Variants in ZNF800 observed in about 807,000 individuals in gnomAD.
ZNF800 encodes zinc finger protein 800.
A neutral mutation model predicts 59.5 loss-of-function variants in ZNF800; 13 were observed. The ratio of observed to expected loss-of-function variants is 0.22; its 90% confidence interval spans 0.14 to 0.35. The LOEUF is 0.35. Among genes scored for constraint, ZNF800 ranks in the 10% least tolerant of loss-of-function variants. ZNF800 has a pLI of 1.00. For synonymous variants in ZNF800, 266 were observed against 265.7 expected, an observed-to-expected ratio of 1.00 and a Z score of -0.01; for missense variants, 621 against 783.7, an observed-to-expected ratio of 0.79 and a Z score of 2.48.
At chr7:127,351,242 T>C (rs1277479757) in intron 1 of ZNF800, among the ~76,000 whole-genome samples, 1 of 152,164 alleles carries the variant, frequency 6.6e-6, no homozygotes, top group Non-Finnish European at 1.5e-5. Context: ...ATTTCACCCA[T>C]CGAAAAATGT....
chr7:127,343,232 G>A (rs1185434835), downstream of ZNF800, among the ~76,000 whole-genome samples: 1 of 151,502 alleles, frequency 6.6e-6, no homozygotes. Flanking sequence ...AAGATGAAAA[G>A]TTATATTAAT....
At chr7:127,390,488 T>A (rs764087634) in intron 2 of ZNF800, among the ~76,000 whole-genome samples, 6 of 152,198 alleles carry the variant, frequency 3.9e-5, no homozygotes, top group Non-Finnish European at 5.9e-5. Context: ...AAAGTTTTCT[T>A]AAAATGGAAG....
intron 1 of ZNF800, among the ~76,000 whole-genome samples, chr7:127,358,659 C>G (rs950579160): frequency 1.1e-4 from 16 of 152,064 alleles, no homozygotes; most frequent in Admixed American, 1.0e-3. Flanking sequence ...CTGCCTATCT[C>G]TTTCAAAACT....
intron 1 of ZNF800, chr7:127,364,224 G>C (rs1800455758): frequency 6.6e-6 from 1 of 152,118 alleles, no homozygotes; most frequent in African/African-American, 2.4e-5. Flanking sequence ...GAAGCCACTA[G>C]ATTTCACATT....
intron 2 of ZNF800, among the ~76,000 whole-genome samples, chr7:127,389,688 A>T (rs1053016972): frequency 3.3e-5 from 5 of 152,214 alleles, no homozygotes; most frequent in Non-Finnish European, 7.4e-5. Context: ...ATTCAAGCTA[A>T]CAAGGCAAGA....
intron 1 of ZNF800, chr7:127,360,464 A>T (rs1800371935): frequency 1.3e-5 from 2 of 152,148 alleles, no homozygotes; most frequent in Admixed American, 1.3e-4. Flanking sequence ...TAATTTATAT[A>T]TTTACATATA....
chr7:127,358,288 G>A (rs562523892), intron 1 of ZNF800, among the ~76,000 whole-genome samples: 13 of 150,976 alleles, frequency 8.6e-5, no homozygotes, highest in African/African-American at 1.9e-4. Flanking sequence ...TTCTTTCTTC[G>A]TCTCCACTGC....
intron 1 of ZNF800, among the ~76,000 whole-genome samples, chr7:127,351,022 G>A (rs551717414): frequency 4.7e-4 from 71 of 152,324 alleles, no homozygotes; most frequent in Non-Finnish European, 9.0e-4. Flanking sequence ...GATGCACTGA[G>A]AGGCATCAAC....
At chr7:127,385,041 A>G (rs2117187627) in intron 3 of ZNF800, among the ~76,000 whole-genome samples, 1 of 152,344 alleles carries the variant, frequency 6.6e-6, no homozygotes, top group Non-Finnish European at 1.5e-5. Context: ...GAAAAAATAA[A>G]TGTTTTAATT....
intron 1 of ZNF800, chr7:127,360,292 C>T (rs1427135283): frequency 6.6e-6 from 1 of 152,078 alleles, no homozygotes; most frequent in Non-Finnish European, 1.5e-5. Flanking sequence ...TTTGAATTCA[C>T]ATCCTGATTA....
chr7:127,375,712 A>G (rs1477656003), intron 4 of ZNF800, among the ~76,000 whole-genome samples: 2 of 152,040 alleles, frequency 1.3e-5, no homozygotes, highest in Non-Finnish European at 2.9e-5. Flanking sequence ...TTGTACAATA[A>G]TTACACCCTT....
chr7:127,359,984 G>A (rs1231838678), intron 1 of ZNF800: 1 of 151,908 alleles, frequency 6.6e-6, no homozygotes, highest in African/African-American at 2.4e-5. Flanking sequence ...TGTTCAAAGT[G>A]TGGATCACAC....
Position 127,374,113 on chromosome 7 carries a change from A to G in ZNF800, c.1223T>C (p.Val408Ala). Reference protein sequence around the residue: ...NNTANSSEIKVKVEPADSVES... With the variant: ...NNTANSSEIKAKVEPADSVES... ...TACAGAATCTGCTGGTTCAACTTTA[A>G]CTTTTATTTCTGAACTGTTGGCAGT... Residue 408 changes from valine to alanine, a missense_variant, in exon 5 of 6, where the codon GTT (valine) becomes GCT (alanine). By Grantham distance (64) the Val-to-Ala change is moderately conservative. This residue lies in a region of ZNF800 where 185 missense variants were observed against 177.6 expected (regional missense o/e 1.04). Coordinates refer to ENST00000265827, the MANE Select transcript of ZNF800 (RefSeq NM_176814.5). 6.2e-7 allele frequency: 1 copy of G among 1,613,826 alleles called. No individual in the cohort carries two copies. The highest frequency in any genetic ancestry group is 8.5e-7 in the Non-Finnish European group (1 of 1,179,928).
At chr7:127,365,432 A>G (rs943709954), downstream of ZNF800, among the ~76,000 whole-genome samples, 2 of 152,114 alleles carry the variant, frequency 1.3e-5, no homozygotes, top group Non-Finnish European at 2.9e-5. Context: ...TTTCTTCATC[A>G]TTCTCTTAGC....
Position 127,391,410 on chromosome 7 carries a change from G to C in ZNF800, c.61+87C>G, listed in dbSNP as rs1801310536. ...ATAGCCTGCTTAAGAATGACTACTG[G>C]GGCAGGAGGAAAAAAAGCTAGAAAA... On this transcript the variant is annotated intron_variant, in intron 2 of 5. Transcript: ENST00000265827. 4 of 1,269,554 alleles carry C rather than the reference G, an allele frequency of 3.2e-6. No individual in the cohort carries two copies. The Admixed American group carries it at 6.8e-5, about 21-fold the overall frequency. 78.6% of individuals were successfully genotyped at this position (1,269,554 alleles called of 1,614,324 possible).
chr7:127,374,779 G>C lies in ZNF800; in HGVS notation c.557C>G (p.Thr186Arg). ...EQSKTVPVTD[T>R]EVETVEPPPV... ...AGGGGGCTCTACAGTTTCCACCTCT[G>C]TATCTGTAACCGGTACTGTTTTTGA... The change falls in exon 5 of 6, where the codon ACA (threonine) becomes AGA (arginine). Residue 186 changes from threonine (T) to arginine (R), a missense_variant. Coordinates refer to ENST00000265827, the MANE Select transcript of ZNF800 (RefSeq NM_176814.5). 3 of 1,613,568 alleles carry C rather than the reference G, an allele frequency of 1.9e-6. No individual in the cohort carries two copies.
At chr7:127,355,143 A>C (rs1416983175) in intron 1 of ZNF800, among the ~76,000 whole-genome samples, 1 of 152,088 alleles carries the variant, frequency 6.6e-6, no homozygotes, top group Non-Finnish European at 1.5e-5. Context: ...ATATATCTCC[A>C]AAAAATTATC....
Position 127,377,035 on chromosome 7 carries a change from T to C in ZNF800, c.301+151A>G. On this transcript the variant is annotated intron_variant, in intron 4 of 5. Coordinates refer to ENST00000265827, the MANE Select transcript of ZNF800 (RefSeq NM_176814.5). This position sits in a 1 kb window ranked among gnomAD's most constrained non-coding sequence, Gnocchi z 4.7. Reference sequence around the variant, plus strand: ...TGTAACATTGAGTCAAGTATTTAATTTTATTCTCCATCTCCATCTAAAAAT... The same window carrying C: ...TGTAACATTGAGTCAAGTATTTAATCTTATTCTCCATCTCCATCTAAAAAT... The C allele has an allele frequency of 1.5e-6, 1 of 645,526 alleles. No individual in the cohort carries two copies. The highest frequency in any genetic ancestry group is 2.4e-6 in the Non-Finnish European group (1 of 410,486). 40.0% of individuals were successfully genotyped at this position (645,526 alleles called of 1,614,324 possible). A position where few individuals can be genotyped will look rare whatever the true frequency, so the allele number is the denominator to read the frequency against.
At chr7:127,344,059 G>T (rs1800016179), downstream of ZNF800, among the ~76,000 whole-genome samples, 2 of 151,854 alleles carry the variant, frequency 1.3e-5, no homozygotes, top group African/African-American at 4.8e-5. Flanking sequence ...TCAGGAATAA[G>T]GGCAAAGTTA....
Sources: gnomAD v4.1 joint callset for allele counts (sites outside exome capture counted in the v4.1 genomes callset) on GRCh38, gnomAD v4.1.1 for gene constraint, gnomAD v4.1.1 regional missense constraint, Gnocchi (gnomAD v3.1) non-coding constraint, MANE v1.5 for transcripts, NCBI Gene and HGNC (gene_info 2026-07-23, HGNC 2026-07-21) for gene names.